PSAT1: variants seen among roughly 807,000 people sequenced by gnomAD.
PSAT1 encodes phosphoserine aminotransferase.
PSAT1 carries 41 observed loss-of-function variants against 40.3 expected under a neutral mutation model. The observed-to-expected ratio is 1.02, with a 90% confidence interval of 0.79 to 1.32. The LOEUF (loss-of-function observed/expected upper bound fraction) is 1.32. PSAT1 is among the 40% of genes most tolerant of loss of function. The probability of loss-of-function intolerance (pLI) is 0.00; values close to 1 mark genes in which losing one functional copy is unlikely to be tolerated. For missense variants in PSAT1, 406 were observed against 455.8 expected (o/e 0.89, Z 0.99); for synonymous variants, 147 against 170.5 (o/e 0.86, Z 1.07).
chr9:78,298,468 C>G, intron 1 of PSAT1: 1 of 979,190 alleles, frequency 1.0e-6, no homozygotes, highest in Non-Finnish European at 1.2e-6. Context: ...CTCACAGTAG[C>G]TGAGAGGACA....
At chr9:78,312,438 G>A (rs932734612) in intron 6 of PSAT1, among the ~76,000 whole-genome samples, 1 of 152,198 alleles carries the variant, frequency 6.6e-6, no homozygotes, top group Non-Finnish European at 1.5e-5. Flanking sequence ...GCTCATGTCT[G>A]TAATCCCAGC....
intron 2 of PSAT1, 86 bp from the exon 3 acceptor site, chr9:78,301,868 G>T (rs1460965493): frequency 3.8e-6 from 4 of 1,059,154 alleles, no homozygotes; most frequent in Non-Finnish European, 5.8e-6. Context: ...CTGTATTGTT[G>T]TTTACTTGCA....
intron 2 of PSAT1, among the ~76,000 whole-genome samples, chr9:78,301,279 T>C (rs1477018219): frequency 4.6e-5 from 7 of 152,186 alleles, no homozygotes; most frequent in Non-Finnish European, 2.9e-5. Flanking sequence ...TGCATAACAG[T>C]GCCTCCAAAC....
chr9:78,324,184 T>G (rs1828465849), intron 7 of PSAT1, among the ~76,000 whole-genome samples: 1 of 152,178 alleles, frequency 6.6e-6, no homozygotes, highest in African/African-American at 2.4e-5. Flanking sequence ...CGTTCCTGTC[T>G]GACCTCCTGG....
chr9:78,314,768 G>C (rs1033485664), intron 6 of PSAT1, among the ~76,000 whole-genome samples: 3 of 152,042 alleles, frequency 2.0e-5, no homozygotes, highest in Admixed American at 6.5e-5. Context: ...TCGGTACTGA[G>C]GTCTGGCTAG....
intron 4 of PSAT1, 31 bp downstream of exon 4, chr9:78,304,971 C>A: frequency 6.2e-7 from 1 of 1,603,372 alleles, no homozygotes; most frequent in Non-Finnish European, 8.5e-7. Context: ...TGGGTGGTGA[C>A]GTGCTCAATG....
At chr9:78,318,585 T>C (rs994317700) in intron 7 of PSAT1, among the ~76,000 whole-genome samples, 13 of 152,060 alleles carry the variant, frequency 8.5e-5, no homozygotes, top group African/African-American at 3.1e-4. Flanking sequence ...TGGCTCAGGG[T>C]GGTCCTTGAT....
chr9:78,327,595 A>G (rs755440701), intron 7 of PSAT1, among the ~76,000 whole-genome samples: 4 of 152,168 alleles, frequency 2.6e-5, no homozygotes, highest in Non-Finnish European at 5.9e-5. Context: ...GCAATACACC[A>G]TGGTAAGTCC....
At chr9:78,318,836 T>A (rs1416617697) in intron 7 of PSAT1, among the ~76,000 whole-genome samples, 1 of 152,218 alleles carries the variant, frequency 6.6e-6, no homozygotes, top group African/African-American at 2.4e-5. Flanking sequence ...GGGTCACCAT[T>A]CAATCCACAA....
intron 8 of PSAT1, 124 bp from the exon 9 acceptor site, chr9:78,328,857 G>A: frequency 1.3e-6 from 1 of 772,006 alleles, no homozygotes; most frequent in Non-Finnish European, 2.3e-6. Flanking sequence ...GGAGTTTTTA[G>A]GTAGGAGACC....
chr9:78,303,454 G>A (rs759887799), intron 3 of PSAT1, among the ~76,000 whole-genome samples: 1 of 152,038 alleles, frequency 6.6e-6, no homozygotes, highest in Non-Finnish European at 1.5e-5. Flanking sequence ...CTCTGACTGG[G>A]GTCCCAGTTC....
chr9:78,316,472 CA>C (rs1242461946), intron 6 of PSAT1, among the ~76,000 whole-genome samples: 2 of 152,124 alleles, frequency 1.3e-5, no homozygotes, highest in Non-Finnish European at 2.9e-5. Flanking sequence ...CTCACAGTTG[CA>C]CTAATATTCT....
At chr9:78,328,224 A>T (rs2118715438) in intron 8 of PSAT1, 36 bp downstream of exon 8, 1 of 1,613,642 alleles carries the variant, frequency 6.2e-7, no homozygotes, top group South Asian at 1.1e-5. Context: ...TTGGCAAAGA[A>T]TTAGCTTAGT....
At chr9:78,325,740 A>G (rs1339730401) in intron 7 of PSAT1, among the ~76,000 whole-genome samples, 1 of 152,106 alleles carries the variant, frequency 6.6e-6, no homozygotes, top group Non-Finnish European at 1.5e-5. Context: ...TTCTCCCCCC[A>G]GCCCCATACT....
intron 6 of PSAT1, among the ~76,000 whole-genome samples, chr9:78,311,375 T>A (rs963829435): frequency 2.6e-5 from 4 of 152,056 alleles, no homozygotes; most frequent in Non-Finnish European, 5.9e-5. Flanking sequence ...CATCACCCAT[T>A]TCAGAAGTGA....
At chr9:78,316,378 A>C (rs1240660466) in intron 6 of PSAT1, among the ~76,000 whole-genome samples, 2 of 152,168 alleles carry the variant, frequency 1.3e-5, no homozygotes, top group Admixed American at 1.3e-4. Flanking sequence ...GGCTTCTCTC[A>C]GCGGGAATGT....
chr9:78,308,708 C>A, intron 6 of PSAT1, 125 bp downstream of exon 6: 1 of 1,155,216 alleles, frequency 8.7e-7, no homozygotes, highest in Non-Finnish European at 1.2e-6. Flanking sequence ...GTAATCTTAG[C>A]AATTTGGGAG....
intron 6 of PSAT1, among the ~76,000 whole-genome samples, chr9:78,309,143 GT>G (rs1232054647): frequency 1.3e-5 from 2 of 152,214 alleles, no homozygotes; most frequent in South Asian, 2.1e-4. Flanking sequence ...TGGGGATGTT[GT>G]TTTTTGTTTG....
At chr9:78,311,754 C>T (rs1828271144) in intron 6 of PSAT1, among the ~76,000 whole-genome samples, 1 of 152,034 alleles carries the variant, frequency 6.6e-6, no homozygotes. Context: ...ATCCCTTGAA[C>T]CTGGGAGGCA....
Sources: gnomAD v4.1 joint callset for allele counts (sites outside exome capture counted in the v4.1 genomes callset) on GRCh38, gnomAD v4.1.1 for gene constraint, MANE v1.5 for transcripts, NCBI Gene and HGNC (gene_info 2026-07-23, HGNC 2026-07-21) for gene names.